The following HAO2 variants were observed in gnomAD, a reference collection of about 807,000 sequenced individuals.
HAO2 encodes 2-Hydroxyacid oxidase 2.
In HAO2, 42 loss-of-function variants were observed where a neutral mutation model predicts 37.4. The ratio of observed to expected loss-of-function variants is 1.12; its 90% confidence interval spans 0.88 to 1.45. The LOEUF (loss-of-function observed/expected upper bound fraction) is 1.45, where lower values mean the gene tolerates loss of function less well. Among genes scored for constraint, HAO2 ranks in the 40% most tolerant of loss-of-function variants. The pLI is 0.00. For missense variants in HAO2, 476 were observed against 430.2 expected (o/e 1.11, Z -0.94); for synonymous variants, 180 against 162.8 (o/e 1.11, Z -0.81).
At chr1:119,377,806 G>C (rs1012940428) in intron 1 of HAO2, among the ~76,000 whole-genome samples, 2 of 152,118 alleles carry the variant, frequency 1.3e-5, no homozygotes, top group African/African-American at 4.8e-5. Flanking sequence ...GTGGCTCATG[G>C]CTGTAATCCC....
Position 119,394,035 on chromosome 1 carries a change from CCTT to C in HAO2, c.*199_*201del. On this transcript the variant is annotated 3_prime_UTR_variant, in exon 8 of 8. Transcript: ENST00000325945. ...CCTGTGTTCCCCAAATGTTCCATGC[CCTT>C]CTTTGTATCACTGACTATTATATGT... is the stretch of plus-strand genomic sequence containing the variant. 3 of 1,397,974 alleles carry C rather than the reference CCTT, an allele frequency of 2.1e-6. No homozygotes were observed. The highest frequency in any genetic ancestry group is 2.8e-6 in the Non-Finnish European group (3 of 1,071,220). 86.6% of individuals were successfully genotyped at this position (1,397,974 alleles called of 1,614,324 possible). A position where few individuals can be genotyped will look rare whatever the true frequency, so the allele number is the denominator to read the frequency against.
In HAO2 at chr1:119,386,789, T is replaced by C. The variant is rs1473813329; in HGVS notation, c.729T>C (p.Val243=). ...AVKHNVQGII[V]SNHGGRQLDE... ...AGCACAATGTCCAGGGTATCATTGT[T>C]TCCAACCATGGTGGGAGGCAGCTTG... Residue 243 remains valine (V), a synonymous_variant, in exon 5 of 8, where the codon GTT becomes GTC. Transcript: ENST00000325945. 6.2e-7 allele frequency: 1 copy of C among 1,613,618 alleles called. No homozygotes were observed. Among genetic ancestry groups the C allele is most frequent in the Admixed American group, 1.7e-5 (1 of 59,986 alleles).
intron 2 of HAO2, among the ~76,000 whole-genome samples, chr1:119,382,165 T>C (rs1649998212): frequency 6.6e-6 from 1 of 152,142 alleles, no homozygotes; most frequent in Non-Finnish European, 1.5e-5. Flanking sequence ...ACAAAACTAT[T>C]AGGAAATTTG....
intron 3 of HAO2, among the ~76,000 whole-genome samples, chr1:119,383,809 T>G (rs1043542565): frequency 6.6e-6 from 1 of 152,138 alleles, no homozygotes; most frequent in African/African-American, 2.4e-5. Context: ...GACTCCATGA[T>G]GAAGGAAGCT....
At chr1:119,380,694 T>A (rs377669802) in intron 1 of HAO2, 1 of 1,603,608 alleles carries the variant, frequency 6.2e-7, no homozygotes. Context: ...AGGAAGCTGA[T>A]GGAAGACAAG....
At chr1:119,371,085 TG>T (rs1265211045) in intron 1 of HAO2, among the ~76,000 whole-genome samples, 2 of 152,186 alleles carry the variant, frequency 1.3e-5, no homozygotes, top group African/African-American at 2.4e-5. Context: ...CTGGATTTTG[TG>T]GGAATTGACC....
chr1:119,388,739 A>T (rs1650587004), intron 5 of HAO2, among the ~76,000 whole-genome samples: 1 of 152,160 alleles, frequency 6.6e-6, no homozygotes, highest in Non-Finnish European at 1.5e-5. Context: ...TTGTTTTTTT[A>T]AAACATTGTG....
chr1:119,382,153 T>A (rs1649997584), intron 2 of HAO2, among the ~76,000 whole-genome samples: 1 of 152,186 alleles, frequency 6.6e-6, no homozygotes, highest in Non-Finnish European at 1.5e-5. Flanking sequence ...CAGTCTGTCT[T>A]CACAAAACTA....
At chr1:119,384,010 T>C (rs587651233) in intron 3 of HAO2, among the ~76,000 whole-genome samples, 1 of 152,302 alleles carries the variant, frequency 6.6e-6, no homozygotes, top group South Asian at 2.1e-4. Flanking sequence ...AAATTGAAAA[T>C]GTTAATTTTT....
At chr1:119,373,695 T>C (rs935338068) in intron 1 of HAO2, among the ~76,000 whole-genome samples, 1 of 152,046 alleles carries the variant, frequency 6.6e-6, no homozygotes, top group African/African-American at 2.4e-5. Context: ...AAAGCAAAGA[T>C]ATGAGTCACT....
chr1:119,391,507 T>TA (rs1435808010), intron 5 of HAO2, among the ~76,000 whole-genome samples: 4 of 152,232 alleles, frequency 2.6e-5, no homozygotes, highest in Non-Finnish European at 4.4e-5. Context: ...ATTTTGTCTG[T>TA]CAAAGGCTCA....
intron 5 of HAO2, among the ~76,000 whole-genome samples, chr1:119,389,052 C>T: frequency 6.9e-6 from 1 of 144,318 alleles, no homozygotes; most frequent in Non-Finnish European, 1.5e-5. Context: ...TGAATTACTT[C>T]ACTTAGAATA....
At position 119,387,525 on chromosome 1, in the gene HAO2, C is replaced by T. The variant is rs1001577313; in HGVS notation, c.771+694C>T. Reference sequence around the variant, plus strand: ...CACTGCAGATAAATTAGAAAACATACATAAGCAAAAGATAAAAATTAACAC... The same window carrying T: ...CACTGCAGATAAATTAGAAAACATATATAAGCAAAAGATAAAAATTAACAC... On this transcript the variant is annotated intron_variant, in intron 5 of 7. Transcript: ENST00000325945. 1.2e-4 allele frequency among the ~76,000 whole-genome samples: 18 copies of T among 152,146 alleles called. 1 individual carries two copies. The highest frequency in any genetic ancestry group is 3.9e-4 in the African/African-American group (16 of 41,448).
rs587707167 is a variant in HAO2 at position 119,386,643 on chromosome 1, C to T, written c.583C>T (p.Gln195Ter). ...ATAGGGAAATGCAATACCTTATTTC[C>T]AGATGACTCCTATCAGCACTTCTCT... ...PKKGNAIPYFQMTPISTSLCW... is the reference protein window; with the variant it reads ...PKKGNAIPYF Residue 195 changes from glutamine to a stop codon, truncating the protein, a stop_gained, in exon 5 of 8, where the codon CAG becomes TAG. Coordinates refer to ENST00000325945, the MANE Select transcript of HAO2 (RefSeq NM_016527.4). LOFTEE classifies it high-confidence loss of function. 2.5e-6 allele frequency: 4 copies of T among 1,609,704 alleles called. No homozygotes were observed. The highest frequency in any genetic ancestry group is 1.3e-5 in the African/African-American group (1 of 74,948).
intron 5 of HAO2, among the ~76,000 whole-genome samples, chr1:119,390,993 T>G (rs1557857322): frequency 6.6e-6 from 1 of 152,140 alleles, no homozygotes; most frequent in East Asian, 1.9e-4. Flanking sequence ...ATAAAAATAC[T>G]CCAAATAATA....
intron 4 of HAO2, chr1:119,385,831 C>A (rs1650338843): frequency 2.0e-6 from 2 of 985,068 alleles, no homozygotes; most frequent in Non-Finnish European, 2.4e-6. Context: ...CTCCAAAATC[C>A]TTATTCAAAT....
At chr1:119,384,125 C>A (rs1650186769) in intron 3 of HAO2, among the ~76,000 whole-genome samples, 1 of 152,146 alleles carries the variant, frequency 6.6e-6, no homozygotes, top group South Asian at 2.1e-4. Flanking sequence ...ATCTGCCAGT[C>A]AGCAGCAGCC....
intron 3 of HAO2, 42 bp from the exon 4 acceptor site, chr1:119,384,734 G>C: frequency 6.3e-7 from 1 of 1,587,590 alleles, no homozygotes; most frequent in Non-Finnish European, 8.6e-7. Flanking sequence ...CCAGTCCAGA[G>C]GCCTCTGCCC....
At chr1:119,381,689 G>C (rs997282770) in intron 2 of HAO2, among the ~76,000 whole-genome samples, 4 of 152,166 alleles carry the variant, frequency 2.6e-5, no homozygotes, top group Non-Finnish European at 4.4e-5. Flanking sequence ...GAAAAAGTAG[G>C]AGATGGAGCA....
Sources: gnomAD v4.1 joint callset for allele counts (sites outside exome capture counted in the v4.1 genomes callset) on GRCh38, gnomAD v4.1.1 for gene constraint, MANE v1.5 for transcripts, NCBI Gene and HGNC (gene_info 2026-07-23, HGNC 2026-07-21) for gene names.